Variants in TEX22 observed in about 807,000 individuals in gnomAD.
TEX22 encodes the protein testis-expressed protein 22.
TEX22 carries 16 observed loss-of-function variants against 11.3 expected under a neutral mutation model. The observed-to-expected ratio is 1.42, with a 90% confidence interval of 0.96 to 2.15. The LOEUF is 2.15. Ranked by LOEUF, TEX22 falls within the 30% of genes most tolerant of loss-of-function variation. The pLI, the probability that TEX22 is intolerant of heterozygous loss-of-function variation, is 0.00. For missense variants in TEX22, 220 were observed against 208.6 expected (o/e 1.05, Z -0.34); for synonymous variants, 97 against 92.3 (o/e 1.05, Z -0.29).
intron 2 of TEX22, among the ~76,000 whole-genome samples, chr14:105,402,674 T>G (rs1294914972): frequency 7.4e-5 from 11 of 148,722 alleles, no homozygotes; most frequent in Admixed American, 4.8e-4. Flanking sequence ...GAGAATGGCG[T>G]GAACCCGGGA....
intron 2 of TEX22, among the ~76,000 whole-genome samples, chr14:105,402,688 G>T (rs377262107): frequency 6.6e-6 from 1 of 151,644 alleles, no homozygotes; most frequent in African/African-American, 2.4e-5. Flanking sequence ...CCCGGGAGGC[G>T]GAGCTTGCAG....
intron 2 of TEX22, among the ~76,000 whole-genome samples, chr14:105,408,006 G>C (rs2081667535): frequency 6.6e-6 from 1 of 152,106 alleles, no homozygotes; most frequent in Non-Finnish European, 1.5e-5. Context: ...GAGCTTGTTT[G>C]GGAAGAACAT....
At chr14:105,403,593 T>TA (rs1361848638) in intron 2 of TEX22, among the ~76,000 whole-genome samples, 20 of 152,192 alleles carry the variant, frequency 1.3e-4, no homozygotes, top group Admixed American at 1.3e-3. Flanking sequence ...TAGCTAATTT[T>TA]AAAAAAATTT....
chr14:105,406,722 A>G (rs2081660552), intron 2 of TEX22, among the ~76,000 whole-genome samples: 1 of 151,826 alleles, frequency 6.6e-6, no homozygotes, highest in Non-Finnish European at 1.5e-5. Context: ...AAAAGTTGGC[A>G]AAAATTATAA....
rs587655565 is a variant in TEX22, at chr14:105,399,842, A to G, written c.150+352A>G. Among the ~76,000 whole-genome samples the G allele has an allele frequency of 1.1e-4, 16 of 146,640 alleles. 1 individual carries two copies. The highest frequency in any genetic ancestry group is 3.9e-4 in the African/African-American group (16 of 40,626). On this transcript the variant is annotated intron_variant, in intron 2 of 3. Coordinates refer to ENST00000451127, the MANE Select transcript of TEX22 (RefSeq NM_001195082.2). ...AAGCGGGAGGGAAAGCAAGGTCCCC[A>G]GGGGGGGTGGTGTCCTCCCAACCAG... is the stretch of plus-strand genomic sequence containing the variant.
rs1216598616 is a variant in TEX22, at chr14:105,412,642, G to A, written c.*809G>A. 1 of 152,018 alleles carries A rather than the reference G, an allele frequency of 6.6e-6. No individual in the cohort carries two copies. Among genetic ancestry groups the A allele is most frequent in the Middle Eastern group, 3.1e-3 (1 of 318 alleles). 9.4% of individuals were successfully genotyped at this position (152,018 alleles called of 1,614,324 possible). A position where few individuals can be genotyped will look rare whatever the true frequency, so the allele number is the denominator to read the frequency against. On this transcript the variant is annotated 3_prime_UTR_variant, in exon 4 of 4. Coordinates refer to ENST00000451127, the MANE Select transcript of TEX22 (RefSeq NM_001195082.2). The surrounding 1 kb of genome is among the most constrained non-coding windows in gnomAD (Gnocchi z 5.8). ...CATTTTGGGGACACTAAGTTGCAGG[G>A]GGACTGGATTGGGAGGCGGGGCAGG...
intron 2 of TEX22, among the ~76,000 whole-genome samples, chr14:105,408,174 G>T (rs951895408): frequency 6.6e-6 from 1 of 151,846 alleles, no homozygotes; most frequent in South Asian, 2.1e-4. Flanking sequence ...CCTTGCAGAC[G>T]TCCCACCGCA....
intron 2 of TEX22, among the ~76,000 whole-genome samples, chr14:105,399,887 A>G (rs918641043): frequency 1.3e-5 from 2 of 152,168 alleles, no homozygotes; most frequent in African/African-American, 2.4e-5. Flanking sequence ...CTGTCAGGAG[A>G]AGGATTTGTC....
In TEX22 at chr14:105,409,681, T is replaced by TA. The variant is rs1393504913; in HGVS notation, c.151-1686dup. ...CTACTGTGCCCAGCCAGGATTTTCT[T>TA]ACATTTTCTGTTTCTTTCTCCCTTC... is the stretch of plus-strand genomic sequence containing the variant. On this transcript the variant is annotated intron_variant, in intron 2 of 3. Coordinates refer to ENST00000451127, the MANE Select transcript of TEX22 (RefSeq NM_001195082.2). Among the ~76,000 whole-genome samples, 4 of 151,968 alleles carry TA rather than the reference T, an allele frequency of 2.6e-5. No homozygotes were observed. The East Asian group carries it at 7.7e-4, about 29-fold the overall frequency.
Position 105,399,508 on chromosome 14 carries a change from C to G in TEX22, c.150+18C>G. The G allele has an allele frequency of 1.3e-6, 2 of 1,518,862 alleles. No homozygotes were observed. The highest frequency in any genetic ancestry group is 8.8e-7 in the Non-Finnish European group (1 of 1,136,302). 94.1% of individuals were successfully genotyped at this position (1,518,862 alleles called of 1,614,324 possible). ...AGGACTGGGTAAGCGGAAGGAAACC[C>G]TGGCCGAGGCTACTCTCCTGTCCCC... On this transcript the variant is annotated intron_variant, in intron 2 of 3. Coordinates refer to ENST00000451127, the MANE Select transcript of TEX22 (RefSeq NM_001195082.2).
chr14:105,410,891 A>T (rs908636661), intron 2 of TEX22, among the ~76,000 whole-genome samples: 2 of 152,148 alleles, frequency 1.3e-5, no homozygotes, highest in Admixed American at 6.5e-5. Context: ...GTACCCTGCC[A>T]GGGGCCCTCC....
chr14:105,403,507 G>C (rs1160556116), intron 2 of TEX22, among the ~76,000 whole-genome samples: 3 of 152,142 alleles, frequency 2.0e-5, no homozygotes, highest in Non-Finnish European at 2.9e-5. Flanking sequence ...ACTACAGCCT[G>C]GACCTCCTGG....
At chr14:105,407,154 A>G (rs1170099221) in intron 2 of TEX22, among the ~76,000 whole-genome samples, 5 of 146,620 alleles carry the variant, frequency 3.4e-5, no homozygotes, top group African/African-American at 1.3e-4. Flanking sequence ...TGCAGCCTCC[A>G]CCTCTTGGGT....
At chr14:105,402,164 C>T (rs1055253484) in intron 2 of TEX22, among the ~76,000 whole-genome samples, 10 of 152,156 alleles carry the variant, frequency 6.6e-5, no homozygotes, top group South Asian at 6.2e-4. Context: ...CCAGCCTGGG[C>T]GACAGAGGGA....
intron 2 of TEX22, among the ~76,000 whole-genome samples, chr14:105,405,400 CCGGTACGT>C (rs1189345529): frequency 6.6e-6 from 1 of 152,140 alleles, no homozygotes; most frequent in Non-Finnish European, 1.5e-5. Flanking sequence ...GATAGAATCG[CCGGTACGT>C]CATTTAATTC....
chr14:105,403,877 G>T (rs1392747940), intron 2 of TEX22, among the ~76,000 whole-genome samples: 2 of 152,122 alleles, frequency 1.3e-5, no homozygotes, highest in East Asian at 1.9e-4. Flanking sequence ...TACAGACAGG[G>T]TCTCACTATG....
intron 2 of TEX22, among the ~76,000 whole-genome samples, chr14:105,410,165 C>A (rs587694925): frequency 4.6e-5 from 7 of 150,898 alleles, no homozygotes; most frequent in African/African-American, 1.7e-4. Flanking sequence ...GCAACCTCCA[C>A]CTCCCGGATT....
At chr14:105,405,913 C>T (rs1032439590) in intron 2 of TEX22, among the ~76,000 whole-genome samples, 1 of 152,238 alleles carries the variant, frequency 6.6e-6, no homozygotes, top group African/African-American at 2.4e-5. Flanking sequence ...ACAACTAAAA[C>T]TGTGTGGCCC....
At chr14:105,404,939 TG>T (rs2081651000) in intron 2 of TEX22, among the ~76,000 whole-genome samples, 1 of 152,140 alleles carries the variant, frequency 6.6e-6, no homozygotes, top group Non-Finnish European at 1.5e-5. Flanking sequence ...AATCAATATA[TG>T]TACCTGCAAT....
Sources: allele counts gnomAD v4.1 joint callset (sites outside exome capture counted in the v4.1 genomes callset), GRCh38; gene constraint gnomAD v4.1.1; non-coding constraint Gnocchi (gnomAD v3.1); transcripts MANE v1.5; gene names NCBI Gene and HGNC (gene_info 2026-07-23, HGNC 2026-07-21).